CALD1: variants seen among roughly 807,000 people sequenced by gnomAD.
The protein encoded by CALD1 is caldesmon 1, also known as caldesmon.
CALD1 carries 33 observed loss-of-function variants against 99.9 expected under a neutral mutation model. The observed-to-expected ratio is 0.33, with a 90% CI of 0.25 to 0.44. The LOEUF is 0.44. Among genes scored for constraint, CALD1 ranks in the 20% least tolerant of loss-of-function variants. The probability of loss-of-function intolerance (pLI) is 1.00; values close to 1 mark genes in which losing one functional copy is unlikely to be tolerated. For synonymous variants in CALD1, 310 were observed against 325.0 expected (o/e 0.95, Z 0.50); for missense variants, 861 against 962.1 (o/e 0.89, Z 1.39).
the CALD1 span, among the ~76,000 whole-genome samples, chr7:134,737,132 A>G: frequency 6.6e-6 from 1 of 152,098 alleles, no homozygotes; most frequent in Non-Finnish European, 1.5e-5. Flanking sequence ...AACTACATAT[A>G]TACTTGTTTT....
chr7:134,748,708 T>TTC (rs1562988094), intron 1 of CALD1, among the ~76,000 whole-genome samples: 2 of 132,272 alleles, frequency 1.5e-5, no homozygotes, highest in Admixed American at 7.6e-5. Flanking sequence ...TGAAACTCCA[T>TTC]CCCCCCGCCC....
chr7:134,909,996 C>T (rs537704264), intron 3 of CALD1, among the ~76,000 whole-genome samples: 1 of 152,136 alleles, frequency 6.6e-6, no homozygotes, highest in Non-Finnish European at 1.5e-5. Context: ...CAAAGGACAG[C>T]TTAGAAAGCA....
At chr7:134,787,395 T>A (rs757212395) in intron 1 of CALD1, among the ~76,000 whole-genome samples, 8 of 152,148 alleles carry the variant, frequency 5.3e-5, no homozygotes, top group Non-Finnish European at 8.8e-5. Flanking sequence ...GAAAAAAAAT[T>A]TTAAGTATTT....
chr7:134,921,518 A>G lies in CALD1; in HGVS notation c.72-7236A>G, dbSNP rs150211608. Among the ~76,000 whole-genome samples the G allele has an allele frequency of 1.6e-3, 237 of 152,360 alleles. 1 individual carries two copies. Among genetic ancestry groups the G allele is most frequent in the Middle Eastern group, 3.4e-3 (1 of 294 alleles). On this transcript the variant is annotated intron_variant, in intron 3 of 14. Coordinates refer to ENST00000361675, the MANE Select transcript of CALD1 (RefSeq NM_033138.4). ...GACAAAGCATGGGAATGTAAATTAA[A>G]ACAACTGCTGTGGTCCGGCATGGTG...
chr7:134,776,204 T>C (rs183908627), upstream of CALD1, among the ~76,000 whole-genome samples: 42 of 152,282 alleles, frequency 2.8e-4, no homozygotes, highest in African/African-American at 1.0e-3. Context: ...TGTCTTTTCA[T>C]TGATTATAAT....
upstream of CALD1, among the ~76,000 whole-genome samples, chr7:134,742,065 T>G (rs1796597081): frequency 6.9e-6 from 1 of 144,810 alleles, no homozygotes; most frequent in Admixed American, 6.8e-5. Context: ...ACATTTGTGA[T>G]GTATGTCTTG....
intron 1 of CALD1, among the ~76,000 whole-genome samples, chr7:134,753,880 A>T (rs1479538349): frequency 6.6e-6 from 1 of 152,088 alleles, no homozygotes; most frequent in East Asian, 1.9e-4. Flanking sequence ...CCTTCTGAGT[A>T]TTTGCCCACT....
chr7:134,850,060 T>C (rs1248357534), intron 2 of CALD1, among the ~76,000 whole-genome samples: 2 of 152,216 alleles, frequency 1.3e-5, no homozygotes, highest in Non-Finnish European at 2.9e-5. Flanking sequence ...TAAGACAAAT[T>C]CAGCTTATTT....
At chr7:134,734,084 T>G in the CALD1 span, among the ~76,000 whole-genome samples, 5 of 152,216 alleles carry the variant, frequency 3.3e-5, no homozygotes, top group South Asian at 6.2e-4. Flanking sequence ...GAGGTGAAGC[T>G]GGTCATCACA....
chr7:134,796,991 A>C (rs911367135), intron 1 of CALD1, among the ~76,000 whole-genome samples: 12 of 151,988 alleles, frequency 7.9e-5, no homozygotes, highest in Admixed American at 5.9e-4. Context: ...ATTCAATTGA[A>C]GCTTTTCCTC....
intron 1 of CALD1, among the ~76,000 whole-genome samples, chr7:134,823,189 G>T (rs1309076698): frequency 6.6e-6 from 1 of 152,100 alleles, no homozygotes; most frequent in Non-Finnish European, 1.5e-5. Context: ...TGAGAACAAA[G>T]CCAAACAAGT....
At chr7:134,953,364 T>A (rs988919823) in intron 9 of CALD1, among the ~76,000 whole-genome samples, 1 of 152,012 alleles carries the variant, frequency 6.6e-6, no homozygotes, top group African/African-American at 2.4e-5. Context: ...CTGTAATCCC[T>A]ACTCAGGAGC....
At chr7:134,827,173 C>A (rs1799031653) in intron 1 of CALD1, among the ~76,000 whole-genome samples, 1 of 152,160 alleles carries the variant, frequency 6.6e-6, no homozygotes, top group Non-Finnish European at 1.5e-5. Context: ...TGGGCTTATG[C>A]CCTTAGTAAC....
In CALD1 at chr7:134,770,670, T is replaced by C. The variant is rs1796869736; in HGVS notation, c.-130+26307T>C. On this transcript the variant is annotated intron_variant, in intron 1 of 13. Transcript: ENST00000417172. ...CCAGTATGACTTCATATTGAGATCC[T>C]TAACTATATATACAAAGACCCTATT... 2.0e-5 allele frequency among the ~76,000 whole-genome samples: 3 copies of C among 152,218 alleles called. 1 individual carries two copies. In the South Asian group the frequency reaches 6.2e-4, roughly 31 times the overall value.
chr7:134,925,210 A>C (rs942200008), intron 3 of CALD1, among the ~76,000 whole-genome samples: 1 of 152,128 alleles, frequency 6.6e-6, no homozygotes, highest in African/African-American at 2.4e-5. Context: ...TCGGTTGTTC[A>C]GGTTGCTCCA....
chr7:134,773,782 CTG>C (rs36104737), intron 1 of CALD1, among the ~76,000 whole-genome samples: 43,009 of 138,354 alleles, frequency 0.31, 6,457 homozygotes, highest in Non-Finnish European at 0.37. Flanking sequence ...AACCTCTCTT[CTG>C]TGTGTGTGTG....
In CALD1 at chr7:134,832,126, A is replaced by G. The variant is rs1369167572; in HGVS notation, c.-129-11758A>G. Among the ~76,000 whole-genome samples, 6 of 152,198 alleles carry G rather than the reference A, an allele frequency of 3.9e-5. No homozygotes were observed. The East Asian group carries it at 9.6e-4, about 24-fold the overall frequency. On this transcript the variant is annotated intron_variant, in intron 1 of 14. Transcript: ENST00000361675. ...TATTTAGGGAGTTATACACATGCCC[A>G]TCTGAGGCTTTCTTCCTTCTTCCAG...
chr7:134,775,536 C>G (rs977985472), upstream of CALD1, among the ~76,000 whole-genome samples: 2 of 151,936 alleles, frequency 1.3e-5, no homozygotes, highest in East Asian at 3.8e-4. Flanking sequence ...ATGGTGAAAC[C>G]CTGTCTCTAC....
At chr7:134,848,097 G>A (rs35820472) in intron 2 of CALD1, among the ~76,000 whole-genome samples, 5,857 of 143,294 alleles carry the variant, frequency 0.041, 122 homozygotes, top group Non-Finnish European at 0.054. Context: ...ACAGTCTGGG[G>A]AAAAAAAAAA....
Sources: allele counts gnomAD v4.1 joint callset (sites outside exome capture counted in the v4.1 genomes callset), GRCh38; gene constraint gnomAD v4.1.1; transcripts MANE v1.5; gene names NCBI Gene and HGNC (gene_info 2026-07-23, HGNC 2026-07-21).